STK39: variants seen among roughly 807,000 people sequenced by gnomAD.
STK39 encodes the protein serine/threonine kinase 39, also known as STE20/SPS1-related proline-alanine-rich protein kinase.
In STK39, 20 loss-of-function variants were observed where a neutral mutation model predicts 77.8. That is an observed-to-expected ratio of 0.26 (90% CI 0.18 to 0.37). The LOEUF is 0.37. Among genes scored for constraint, STK39 ranks in the 10% least tolerant of loss-of-function variants. The pLI, the probability that STK39 is intolerant of heterozygous loss-of-function variation, is 1.00. For missense variants in STK39, 479 were observed against 656.5 expected (o/e 0.73, Z 2.95); for synonymous variants, 246 against 234.1 (o/e 1.05, Z -0.47).
At position 168,247,544 on chromosome 2, in the gene STK39, C is replaced by CCCGCCGCCACCG; in HGVS notation, c.-110_-109insCGGTGGCGGCGG. 2 of 478,038 alleles carry CCCGCCGCCACCG rather than the reference C, an allele frequency of 4.2e-6. No homozygotes were observed. The highest frequency in any genetic ancestry group is 5.3e-5 in the South Asian group (1 of 19,034). The allele number at this position is 478,038 out of a possible 1,614,324, so 29.6% of individuals were successfully genotyped here. A position where few individuals can be genotyped will look rare whatever the true frequency, so the allele number is the denominator to read the frequency against. ...TCTCGGCCGGCGCACGCCCTCCCCG[C>CCCGCCGCCACCG]CCGCCGCCGCCGCCGCCGTCCCCGC... is the stretch of plus-strand genomic sequence containing the variant. On this transcript the variant is annotated 5_prime_UTR_variant, in exon 1 of 18. Transcript: ENST00000355999.
At chr2:168,131,334 A>C (rs1225811656) in intron 8 of STK39, among the ~76,000 whole-genome samples, 1 of 152,200 alleles carries the variant, frequency 6.6e-6, no homozygotes, top group East Asian at 1.9e-4. Flanking sequence ...GAATATCATT[A>C]GGTATTATCT....
At chr2:168,196,835 A>G (rs1689481963) in intron 1 of STK39, among the ~76,000 whole-genome samples, 1 of 152,154 alleles carries the variant, frequency 6.6e-6, no homozygotes, top group African/African-American at 2.4e-5. Flanking sequence ...AATGGGCAAA[A>G]GGCCTCAGAT....
intron 12 of STK39, among the ~76,000 whole-genome samples, chr2:168,068,937 G>T (rs572106676): frequency 6.6e-6 from 1 of 151,980 alleles, no homozygotes; most frequent in Admixed American, 6.5e-5. Flanking sequence ...TTTTTTCTGA[G>T]ATGGAGTTTC....
intron 5 of STK39, among the ~76,000 whole-genome samples, chr2:168,145,351 T>C (rs1399261469): frequency 6.6e-6 from 1 of 152,140 alleles, no homozygotes; most frequent in Non-Finnish European, 1.5e-5. Flanking sequence ...GCTCAGTCTC[T>C]GTGACGGGAG....
At chr2:168,193,217 C>T (rs80043131) in intron 1 of STK39, among the ~76,000 whole-genome samples, 4,002 of 152,290 alleles carry the variant, frequency 0.026, 112 homozygotes, top group East Asian at 0.079. Context: ...TTCCTGTCTC[C>T]TCTGACAACC....
intron 14 of STK39, among the ~76,000 whole-genome samples, chr2:168,042,321 C>T (rs545219806): frequency 6.6e-6 from 1 of 152,274 alleles, no homozygotes; most frequent in African/African-American, 2.4e-5. Context: ...ACTTTCAGTT[C>T]CTCTAAATAT....
intron 10 of STK39, among the ~76,000 whole-genome samples, chr2:168,120,165 T>C (rs1199707907): frequency 4.6e-5 from 7 of 152,266 alleles, no homozygotes; most frequent in Admixed American, 4.6e-4. Flanking sequence ...AATAGTCTAA[T>C]GTATCTTATC....
At position 168,167,285 on chromosome 2, in the gene STK39, C is replaced by A. The variant is rs200204486; in HGVS notation, c.430+14G>T. On this transcript the variant is annotated intron_variant, in intron 3 of 17. Transcript: ENST00000355999. ...AAAACAAGCAAATAAATAACAACAA[C>A]AAAATCCACTTACCTCCACTTAGTA... The A allele has an allele frequency of 8.8e-5, 141 of 1,608,396 alleles. No homozygotes were observed. The highest frequency in any genetic ancestry group is 1.2e-4 in the South Asian group (11 of 90,900).
rs1246913070 is a variant in STK39, at chr2:168,246,847, G to A, written c.208+381C>T. Among the ~76,000 whole-genome samples the A allele has an allele frequency of 3.7e-4, 56 of 151,864 alleles. No individual in the cohort carries two copies. The East Asian group carries it at 8.0e-3, about 22-fold the overall frequency. On this transcript the variant is annotated intron_variant, in intron 1 of 17. Coordinates refer to ENST00000355999, the MANE Select transcript of STK39 (RefSeq NM_013233.3). Reference sequence around the variant, plus strand: ...GCCCCCGCAACCACACCCCACCCGCGGCTGCCTGTCCGCGTGGCCACCGGC... The same window carrying A: ...GCCCCCGCAACCACACCCCACCCGCAGCTGCCTGTCCGCGTGGCCACCGGC...
At chr2:168,097,693 C>T (rs962883440) in intron 10 of STK39, among the ~76,000 whole-genome samples, 2 of 151,590 alleles carry the variant, frequency 1.3e-5, no homozygotes, top group Non-Finnish European at 2.9e-5. Context: ...ATGATCATGC[C>T]ACTGCATTCC....
At chr2:168,169,759 G>T (rs925289247) in intron 2 of STK39, among the ~76,000 whole-genome samples, 1 of 151,974 alleles carries the variant, frequency 6.6e-6, no homozygotes, top group African/African-American at 2.4e-5. Context: ...GACATTAAAA[G>T]GTTCCAGAAT....
chr2:168,202,649 G>A (rs1051693450), intron 1 of STK39, among the ~76,000 whole-genome samples: 5 of 151,980 alleles, frequency 3.3e-5, no homozygotes, highest in African/African-American at 9.7e-5. Flanking sequence ...CAAAGATAAC[G>A]ACTTCCCTCA....
At chr2:168,099,830 C>A (rs1046464114) in intron 10 of STK39, among the ~76,000 whole-genome samples, 3 of 147,390 alleles carry the variant, frequency 2.0e-5, no homozygotes, top group Admixed American at 6.8e-5. Context: ...CAGAAAAAAA[C>A]CATAATAGGA....
intron 1 of STK39, among the ~76,000 whole-genome samples, chr2:168,218,245 G>C (rs1439200920): frequency 6.6e-6 from 1 of 152,202 alleles, no homozygotes; most frequent in Non-Finnish European, 1.5e-5. Flanking sequence ...GCTGTCACTT[G>C]CCAAGGCCCA....
chr2:168,072,606 C>T (rs1035520930), intron 12 of STK39, among the ~76,000 whole-genome samples: 21 of 152,254 alleles, frequency 1.4e-4, no homozygotes, highest in African/African-American at 4.8e-4. Context: ...GTATTTCTCA[C>T]TGACGTATCC....
chr2:168,216,987 C>T (rs1690041238), intron 1 of STK39, among the ~76,000 whole-genome samples: 1 of 152,172 alleles, frequency 6.6e-6, no homozygotes, highest in Admixed American at 6.5e-5. Context: ...AGCTCTAGTC[C>T]TAGGTTCTCA....
At chr2:168,139,263 T>A (rs1687915333) in intron 7 of STK39, among the ~76,000 whole-genome samples, 2 of 151,986 alleles carry the variant, frequency 1.3e-5, no homozygotes, top group Admixed American at 1.3e-4. Context: ...AAAGAAAAAA[T>A]CCTTCAGCAT....
At chr2:168,166,176 G>A (rs1022218917) in intron 3 of STK39, among the ~76,000 whole-genome samples, 3 of 152,166 alleles carry the variant, frequency 2.0e-5, no homozygotes, top group African/African-American at 4.8e-5. Context: ...CTTGAAATTT[G>A]GTGTAATTTC....
In STK39 at chr2:168,049,544, G is replaced by A. The variant is rs147633699; in HGVS notation, c.1376+13956C>T. 5.3e-5 allele frequency among the ~76,000 whole-genome samples: 8 copies of A among 152,326 alleles called. No homozygotes were observed. The East Asian group carries it at 1.5e-3, about 29-fold the overall frequency. ...ATTCCTGCTCAGGTACTAAACAGGA[G>A]TGTTTAACTCTCTAGGCAAGTAAAT... On this transcript the variant is annotated intron_variant, in intron 14 of 17. Transcript: ENST00000355999.
Sources: gnomAD v4.1 joint callset for allele counts (sites outside exome capture counted in the v4.1 genomes callset) on GRCh38, gnomAD v4.1.1 for gene constraint, MANE v1.5 for transcripts, NCBI Gene and HGNC (gene_info 2026-07-23, HGNC 2026-07-21) for gene names.